OPHN1: variants seen among roughly 807,000 people sequenced by gnomAD.
OPHN1 encodes oligophrenin 1, also known as oligophrenin-1.
Under a neutral mutation model 60.7 loss-of-function variants are expected in OPHN1, and 11 were observed. The ratio of observed to expected loss-of-function variants is 0.18; its 90% confidence interval spans 0.11 to 0.30. OPHN1 has a LOEUF of 0.30. Among genes scored for constraint, OPHN1 ranks in the 10% least tolerant of loss-of-function variants. OPHN1 has a pLI of 1.00. For missense variants in OPHN1, 449 were observed against 611.0 expected, an observed-to-expected ratio of 0.73 and a Z score of 2.80; for synonymous variants, 226 against 222.6, an observed-to-expected ratio of 1.02 and a Z score of -0.14.
At chrX:68,411,524 T>C (rs766668299) in intron 2 of OPHN1, among the ~76,000 whole-genome samples, 2 of 112,506 alleles carry the variant, frequency 1.8e-5, no homozygotes, top group South Asian at 7.4e-4. Context: ...TAATCAGCGA[T>C]GCTGAGCATT....
chrX:68,368,355 A>G (rs2078509849), intron 2 of OPHN1, among the ~76,000 whole-genome samples: 1 of 110,999 alleles, frequency 9.0e-6, no homozygotes, highest in South Asian at 3.8e-4. Flanking sequence ...ACATAGCAAG[A>G]CCTCATCAGC....
At chrX:68,414,373 G>A (rs1226050784) in intron 2 of OPHN1, among the ~76,000 whole-genome samples, 1 of 111,674 alleles carries the variant, frequency 9.0e-6, no homozygotes, top group East Asian at 2.8e-4. Context: ...GGGTAAGGCT[G>A]TGTGACTATG....
At chrX:68,082,690 C>T (rs956895785) in intron 19 of OPHN1, among the ~76,000 whole-genome samples, 1 of 111,815 alleles carries the variant, frequency 8.9e-6, no homozygotes, top group African/African-American at 3.3e-5. Context: ...GGAGCATGGG[C>T]AGAGTAGATT....
chrX:68,057,723 G>A (rs781456349), intron 21 of OPHN1, among the ~76,000 whole-genome samples: 1 of 111,660 alleles, frequency 9.0e-6, no homozygotes, highest in Non-Finnish European at 1.9e-5. Flanking sequence ...TGAAGACACC[G>A]ATGTTGTTCT....
intron 19 of OPHN1, among the ~76,000 whole-genome samples, chrX:68,088,109 T>C (rs2077002223): frequency 9.0e-6 from 1 of 111,258 alleles, no homozygotes; most frequent in African/African-American, 3.3e-5. Flanking sequence ...GGAAAATCGA[T>C]GTCCAAAGAG....
intron 2 of OPHN1, among the ~76,000 whole-genome samples, chrX:68,330,225 G>A (rs1176970410): frequency 6.4e-5 from 7 of 109,339 alleles, no homozygotes; most frequent in Non-Finnish European, 1.3e-4. Flanking sequence ...TCAGCCTCCC[G>A]AGTAGTAGGA....
chrX:68,382,682 T>G (rs2147744800), intron 2 of OPHN1, among the ~76,000 whole-genome samples: 1 of 111,908 alleles, frequency 8.9e-6, no homozygotes, highest in East Asian at 2.8e-4. Flanking sequence ...GAAAATACTC[T>G]AAAATTGATT....
At chrX:68,070,320 T>C (rs2076928417) in intron 20 of OPHN1, among the ~76,000 whole-genome samples, 1 of 111,222 alleles carries the variant, frequency 9.0e-6, no homozygotes, top group Admixed American at 9.5e-5. Context: ...TCAAATGGGA[T>C]CTTGAAGAAT....
intron 3 of OPHN1, among the ~76,000 whole-genome samples, chrX:68,284,165 A>G (rs1418630361): frequency 8.9e-6 from 1 of 111,812 alleles, no homozygotes; most frequent in East Asian, 2.8e-4. Context: ...AGGAAATGTG[A>G]CAAATATCAT....
At chrX:68,351,115 G>A (rs1230696406) in intron 2 of OPHN1, among the ~76,000 whole-genome samples, 1 of 110,554 alleles carries the variant, frequency 9.0e-6, no homozygotes, top group Non-Finnish European at 1.9e-5. Context: ...TTTTAGTAGA[G>A]ACGGGGTTTC....
At chrX:68,225,659 T>C (rs2077687391) in intron 6 of OPHN1, among the ~76,000 whole-genome samples, 1 of 112,108 alleles carries the variant, frequency 8.9e-6, no homozygotes, top group East Asian at 2.8e-4. Flanking sequence ...CAGCTGATGG[T>C]CCTGACTGTT....
intron 2 of OPHN1, among the ~76,000 whole-genome samples, chrX:68,341,729 T>C (rs2078352891): frequency 9.1e-6 from 1 of 109,800 alleles, no homozygotes; most frequent in South Asian, 4.0e-4. Context: ...TCCCAGCTAC[T>C]CAGGAGGCTG....
chrX:68,124,642 T>C (rs2077162677), intron 15 of OPHN1, among the ~76,000 whole-genome samples: 1 of 105,781 alleles, frequency 9.5e-6, no homozygotes, highest in South Asian at 4.0e-4. Flanking sequence ...GGACAGACCA[T>C]ATGTTAGGTC....
At chrX:68,344,782 C>G (rs773971599) in intron 2 of OPHN1, among the ~76,000 whole-genome samples, 43 of 112,266 alleles carry the variant, frequency 3.8e-4, no homozygotes, top group African/African-American at 1.4e-3. Context: ...AAATAGCAGA[C>G]AGCAGAAAGG....
chrX:68,120,172 A>C (rs2077144795), intron 15 of OPHN1, among the ~76,000 whole-genome samples: 1 of 111,029 alleles, frequency 9.0e-6, no homozygotes, highest in African/African-American at 3.3e-5. Context: ...CTCCCCACCC[A>C]TGACACCTTA....
At chrX:68,302,917 G>A (rs896861276) in intron 2 of OPHN1, among the ~76,000 whole-genome samples, 1 of 110,635 alleles carries the variant, frequency 9.0e-6, no homozygotes, top group Non-Finnish European at 1.9e-5. Context: ...GTGAGACCCT[G>A]TATCTTAAAA....
chrX:68,408,095 A>T (rs891095368), intron 2 of OPHN1, among the ~76,000 whole-genome samples: 4 of 112,196 alleles, frequency 3.6e-5, no homozygotes, highest in Non-Finnish European at 7.5e-5. Flanking sequence ...ATATGCCATC[A>T]TGCCCAGCTT....
At chrX:68,329,250 G>A (rs1166271263) in intron 2 of OPHN1, among the ~76,000 whole-genome samples, 5 of 112,223 alleles carry the variant, frequency 4.5e-5, no homozygotes, top group Middle Eastern at 4.2e-3. Context: ...AATGGATAAA[G>A]TGGATAGTCT....
At chrX:68,298,156 C>T (rs1239442554) in intron 3 of OPHN1, among the ~76,000 whole-genome samples, 1 of 111,479 alleles carries the variant, frequency 9.0e-6, no homozygotes, top group African/African-American at 3.3e-5. Context: ...TCTACACTAA[C>T]CCTTTAACTC....
Sources: allele counts gnomAD v4.1 joint callset (sites outside exome capture counted in the v4.1 genomes callset), GRCh38; gene constraint gnomAD v4.1.1; transcripts MANE v1.5; gene names NCBI Gene and HGNC (gene_info 2026-07-23, HGNC 2026-07-21).